The following CHD6 variants were observed in gnomAD, a reference collection of about 807,000 sequenced individuals.
CHD6 encodes the protein ATP-dependent chromatin remodeler CHD6.
Under a neutral mutation model 276.9 loss-of-function variants are expected in CHD6, and 50 were observed. The observed-to-expected ratio is 0.18, with a 90% CI of 0.14 to 0.23. CHD6 has a LOEUF of 0.23. Ranked by LOEUF, CHD6 falls within the 10% of genes least tolerant of loss-of-function variation. The pLI, the probability that CHD6 is intolerant of heterozygous loss-of-function variation, is 1.00. For synonymous variants in CHD6, 1,173 were observed against 1,229.3 expected (o/e 0.95, Z 0.96); for missense variants, 2,564 against 3,365.8 (o/e 0.76, Z 5.89).
In CHD6 at chr20:41,423,639, C is replaced by A; in HGVS notation, c.4408G>T (p.Asp1470Tyr). 6.2e-7 allele frequency: 1 copy of A among 1,614,204 alleles called. No individual in the cohort carries two copies. The part of the protein sequence containing the change: ...RTVSSFGVVY[D>Y]QEKKTFDWTQ... ...CAGTCAAAGGTTTTCTTTTCTTGAT[C>A]GTAAACAACACCAAAGGAAGACACT... The change falls in exon 30 of 37, where the codon GAT becomes TAT. Residue 1470 changes from aspartate to tyrosine, a missense_variant. Transcript: ENST00000373233.
In CHD6 at chr20:41,455,854, C is replaced by T. The variant is rs781067478; in HGVS notation, c.2955G>A (p.Arg985=). ...ACTGGATGGTGATGGTGTGCGTTCG[C>T]CTCTGCAGAATCTGGTCTATGTCTT... ...CEEDIDQILQ[R]RTHTITIQSE... The change falls in exon 19 of 37, where the codon AGG becomes AGA. Residue 985 remains arginine (R), a synonymous_variant. Transcript: ENST00000373233. The T allele has an allele frequency of 1.2e-6, 2 of 1,612,362 alleles. No individual in the cohort carries two copies. The highest frequency in any genetic ancestry group is 2.2e-5 in the East Asian group (1 of 44,794).
chr20:41,421,718 T>C lies in CHD6; in HGVS notation c.4917A>G (p.Leu1639=). The C allele has an allele frequency of 6.2e-7, 1 of 1,614,218 alleles. No homozygotes were observed. The highest frequency in any genetic ancestry group is 8.5e-7 in the Non-Finnish European group (1 of 1,180,030). ...LCCLYQTNSK[L]YESLTYSQMS... ...TTTGAGAATATGTAAGAGATTCATA[T>C]AACTTGGAGTTGGTCTGGTAAAGGC... The change falls in exon 31 of 37, where the codon TTA becomes TTG. Residue 1639 remains leucine, a synonymous_variant. Coordinates refer to ENST00000373233, the MANE Select transcript of CHD6 (RefSeq NM_032221.5).
At chr20:41,419,080 G>A (rs955626784) in intron 31 of CHD6, among the ~76,000 whole-genome samples, 1 of 152,206 alleles carries the variant, frequency 6.6e-6, no homozygotes, top group African/African-American at 2.4e-5. Context: ...TGGCAGCAAT[G>A]CTTCGTGGCC....
chr20:41,574,609 G>A (rs2045453526), intron 1 of CHD6, among the ~76,000 whole-genome samples: 2 of 152,088 alleles, frequency 1.3e-5, no homozygotes, highest in South Asian at 4.1e-4. Context: ...AACAAGTTGG[G>A]ACCAAGACAA....
chr20:41,436,133 G>C (rs749006511), intron 27 of CHD6, among the ~76,000 whole-genome samples: 2 of 152,042 alleles, frequency 1.3e-5, no homozygotes, highest in Non-Finnish European at 2.9e-5. Flanking sequence ...CAAAAGACTA[G>C]TATCTAGAAT....
At chr20:41,446,217 A>G (rs565984830) in intron 24 of CHD6, among the ~76,000 whole-genome samples, 1 of 152,332 alleles carries the variant, frequency 6.6e-6, no homozygotes, top group East Asian at 1.9e-4. Context: ...TGTTGCCTCA[A>G]CAAGTAGAGA....
intron 1 of CHD6, among the ~76,000 whole-genome samples, chr20:41,575,037 G>T (rs1308320202): frequency 6.6e-6 from 1 of 152,160 alleles, no homozygotes; most frequent in African/African-American, 2.4e-5. Context: ...AATCAATCAG[G>T]TGTTTGCATA....
rs2047212410 is a variant in CHD6, at chr20:41,422,063, G to T, written c.4572C>A (p.Thr1524=). Residue 1524 remains threonine (T), a synonymous_variant, in exon 31 of 37, where the codon ACC becomes ACA. Transcript: ENST00000373233. ...TWKDGGPPDT[T]IYVEPITEER... is the part of the protein sequence containing the mutation. ...CCTCAGTGATGGGTTCAACGTAGAT[G>T]GTGGTATCTGGGGGACCTGGAGAGA... is the stretch of plus-strand genomic sequence containing the variant. The T allele has an allele frequency of 6.2e-7, 1 of 1,608,030 alleles. No homozygotes were observed. Among genetic ancestry groups the T allele is most frequent in the Non-Finnish European group, 8.5e-7 (1 of 1,175,738 alleles).
chr20:41,413,441 A>G lies in CHD6; in HGVS notation c.7014T>C (p.Ala2338=). ...TGCTGGCTGCCGTAGCTGGCTCAGG[A>G]GCCGAGGTGGCAGGCCCTGGCCCCT... is the stretch of plus-strand genomic sequence containing the variant. ...HPEGPGPATS[A]PEPATAASSQ... Residue 2338 remains alanine, a synonymous_variant, in exon 35 of 37, where the codon GCT becomes GCC. Transcript: ENST00000373233. The G allele has an allele frequency of 3.1e-6, 5 of 1,611,598 alleles. No homozygotes were observed.
In CHD6 at chr20:41,414,660, C is replaced by T. The variant is rs895757039; in HGVS notation, c.6939+526G>A. On this transcript the variant is annotated intron_variant, in intron 34 of 36. Transcript: ENST00000373233. ...TTGAGTTTGGAACAAACTGTCTTAG[C>T]ATGATCTCCGTAAATCTTCAACCCT... 1.3e-5 allele frequency: 3 copies of T among 230,742 alleles called. No individual in the cohort carries two copies. In the Admixed American group the frequency reaches 1.6e-4, roughly 12 times the overall value. The allele number at this position is 230,742 out of a possible 1,614,324, so 14.3% of individuals were successfully genotyped here.
At chr20:41,513,128 T>C in intron 4 of CHD6, 133 bp from the exon 5 acceptor site, 1 of 956,140 alleles carries the variant, frequency 1.0e-6, no homozygotes, top group Non-Finnish European at 1.6e-6. Context: ...CTTTCTTAAA[T>C]ACAACTCTTT....
intron 12 of CHD6, among the ~76,000 whole-genome samples, chr20:41,489,135 A>C (rs951958768): frequency 6.6e-6 from 1 of 152,210 alleles, no homozygotes; most frequent in Admixed American, 6.5e-5. Flanking sequence ...TTTCAAGAGC[A>C]GAGCTGCATC....
intron 26 of CHD6, among the ~76,000 whole-genome samples, chr20:41,438,725 A>G (rs1427430002): frequency 6.6e-6 from 1 of 152,180 alleles, no homozygotes; most frequent in Non-Finnish European, 1.5e-5. Flanking sequence ...AAGCCACCCC[A>G]CAAAAAATAG....
intron 1 of CHD6, among the ~76,000 whole-genome samples, chr20:41,562,825 T>C (rs1484087950): frequency 6.7e-6 from 1 of 150,060 alleles, no homozygotes. Flanking sequence ...ATAGCATATA[T>C]GGACTTATCA....
At chr20:41,471,626 C>T (rs1336096253) in intron 17 of CHD6, among the ~76,000 whole-genome samples, 2 of 151,874 alleles carry the variant, frequency 1.3e-5, no homozygotes, top group Admixed American at 6.6e-5. Flanking sequence ...AGCTCCGCCT[C>T]GTGGGTTCAT....
At chr20:41,484,690 C>A in intron 14 of CHD6, 83 bp from the exon 15 acceptor site, 6 of 1,435,822 alleles carry the variant, frequency 4.2e-6, no homozygotes, top group Non-Finnish European at 5.8e-6. Context: ...ACTCTAATTT[C>A]TTGAACATTT....
At chr20:41,545,332 A>G (rs1268719042) in intron 2 of CHD6, among the ~76,000 whole-genome samples, 1 of 152,166 alleles carries the variant, frequency 6.6e-6, no homozygotes, top group Non-Finnish European at 1.5e-5. Flanking sequence ...AAGTAAGAAT[A>G]ATGAAAAAAA....
At chr20:41,593,898 T>C (rs1310599114) in intron 1 of CHD6, among the ~76,000 whole-genome samples, 2 of 152,046 alleles carry the variant, frequency 1.3e-5, no homozygotes, top group Non-Finnish European at 2.9e-5. Flanking sequence ...GGCACCAGAA[T>C]TGTGAGAACG....
At chr20:41,554,179 T>C (rs1028638366) in intron 1 of CHD6, among the ~76,000 whole-genome samples, 1 of 151,980 alleles carries the variant, frequency 6.6e-6, no homozygotes, top group Non-Finnish European at 1.5e-5. Context: ...ACAGGAAAAC[T>C]CTACCAATGT....
Sources: gnomAD v4.1 joint callset for allele counts (sites outside exome capture counted in the v4.1 genomes callset) on GRCh38, gnomAD v4.1.1 for gene constraint, MANE v1.5 for transcripts, NCBI Gene and HGNC (gene_info 2026-07-23, HGNC 2026-07-21) for gene names.